PATJ: variants seen among roughly 807,000 people sequenced by gnomAD.
PATJ encodes the protein PATJ crumbs cell polarity complex component.
Under a neutral mutation model 224.9 loss-of-function variants are expected in PATJ, and 190 were observed. The ratio of observed to expected loss-of-function variants is 0.84; its 90% CI spans 0.75 to 0.95. The LOEUF (loss-of-function observed/expected upper bound fraction) is 0.95, where lower values mean the gene tolerates loss of function less well. Ranked by LOEUF, PATJ falls within the 40% of genes least tolerant of loss-of-function variation. The pLI, the probability that PATJ is intolerant of heterozygous loss-of-function variation, is 0.00. For synonymous variants in PATJ, 769 were observed against 820.3 expected, an observed-to-expected ratio of 0.94 and a Z score of 1.07; for missense variants, 2,121 against 2,270.3, an observed-to-expected ratio of 0.93 and a Z score of 1.34.
chr1:61,793,664 C>T (rs561438010), intron 9 of PATJ, among the ~76,000 whole-genome samples: 84 of 148,388 alleles, frequency 5.7e-4, no homozygotes, highest in African/African-American at 1.5e-3. Context: ...TGCAGTGAGC[C>T]GTGATTGTGC....
rs1435100685 is a variant in PATJ at position 61,949,308 on chromosome 1, TAGAG to T, written c.3670+21483_3670+21486del. Among the ~76,000 whole-genome samples, 46 of 152,020 alleles carry T rather than the reference TAGAG, an allele frequency of 3.0e-4. 1 individual carries two copies. Among genetic ancestry groups the T allele is most frequent in the Non-Finnish European group, 5.9e-5 (4 of 68,020 alleles). On this transcript the variant is annotated intron_variant, in intron 27 of 43. Coordinates refer to ENST00000642238, the MANE Select transcript of PATJ (RefSeq NM_001350145.3). ...ACTGTCCATAAAAAACAAATTTATA[TAGAG>T]AGAAAGCAGGCCTGGGTTGCGATTG...
intron 27 of PATJ, among the ~76,000 whole-genome samples, chr1:61,980,244 C>T (rs939385971): frequency 4.0e-5 from 6 of 151,628 alleles, no homozygotes; most frequent in Non-Finnish European, 4.4e-5. Context: ...ATGATTATGC[C>T]GCTGAACTCT....
At chr1:62,140,469 A>G (rs572199127) in intron 41 of PATJ, among the ~76,000 whole-genome samples, 1 of 152,200 alleles carries the variant, frequency 6.6e-6, no homozygotes, top group African/African-American at 2.4e-5. Flanking sequence ...CCTGGCCAAC[A>G]TGGTGAAACC....
At chr1:61,979,644 T>C (rs1571624321) in intron 27 of PATJ, among the ~76,000 whole-genome samples, 2 of 127,008 alleles carry the variant, frequency 1.6e-5, no homozygotes, top group African/African-American at 6.2e-5. Context: ...AGAGGGAGAC[T>C]CCGTCTCAAA....
chr1:61,809,069 G>A (rs116618819), intron 14 of PATJ, among the ~76,000 whole-genome samples: 42 of 152,352 alleles, frequency 2.8e-4, no homozygotes, highest in Admixed American at 1.3e-3. Flanking sequence ...TCTGAGTGTA[G>A]GCAGTAGTTG....
chr1:62,006,060 G>C (rs1360566305), intron 28 of PATJ, among the ~76,000 whole-genome samples: 1 of 152,006 alleles, frequency 6.6e-6, no homozygotes, highest in East Asian at 1.9e-4. Context: ...TTTTTTAGTA[G>C]ATTTAATTGA....
intron 15 of PATJ, among the ~76,000 whole-genome samples, chr1:61,824,187 A>G (rs1159813197): frequency 6.6e-6 from 1 of 151,478 alleles, no homozygotes; most frequent in Middle Eastern, 3.4e-3. Context: ...AATGAGATAT[A>G]TTTGTTTGGG....
intron 26 of PATJ, 100 bp from the exon 27 acceptor site, chr1:61,927,630 G>T (rs540984334): frequency 4.2e-6 from 3 of 707,804 alleles, no homozygotes; most frequent in Middle Eastern, 4.9e-4. Context: ...GTTGGGTATG[G>T]TCTAAATATT....
intron 27 of PATJ, among the ~76,000 whole-genome samples, chr1:61,958,007 T>C (rs1680679122): frequency 6.6e-6 from 1 of 152,224 alleles, no homozygotes; most frequent in African/African-American, 2.4e-5. Flanking sequence ...TAAAATATAT[T>C]AAGTATTTAA....
At chr1:62,057,913 G>T (rs1265574138) in intron 31 of PATJ, among the ~76,000 whole-genome samples, 1 of 152,186 alleles carries the variant, frequency 6.6e-6, no homozygotes, top group Admixed American at 6.5e-5. Context: ...TTGTACAACT[G>T]CATAACAGCA....
chr1:62,079,407 TTTCTCC>T, intron 31 of PATJ, 37 bp from the exon 32 acceptor site: 1 of 1,166,650 alleles, frequency 8.6e-7, no homozygotes, highest in Non-Finnish European at 1.3e-6. Flanking sequence ...TCTTGTTACC[TTTCTCC>T]TTTTTGATAT....
At chr1:61,746,831 C>T (rs1645048256) in intron 1 of PATJ, among the ~76,000 whole-genome samples, 1 of 152,104 alleles carries the variant, frequency 6.6e-6, no homozygotes, top group African/African-American at 2.4e-5. Context: ...CCACTAATAA[C>T]ATTAGGATGT....
chr1:62,050,040 C>A (rs752598638), intron 30 of PATJ, among the ~76,000 whole-genome samples: 2 of 148,996 alleles, frequency 1.3e-5, no homozygotes, highest in Non-Finnish European at 3.0e-5. Context: ...CACTTGAACC[C>A]GGGAGGCGAA....
At chr1:61,776,536 AT>A (rs1339198703) in intron 7 of PATJ, among the ~76,000 whole-genome samples, 5 of 152,206 alleles carry the variant, frequency 3.3e-5, no homozygotes, top group African/African-American at 1.2e-4. Context: ...AATTTTGATC[AT>A]TTAGTGCATG....
chr1:61,882,421 T>G (rs1200012005), intron 21 of PATJ, among the ~76,000 whole-genome samples: 1 of 152,156 alleles, frequency 6.6e-6, no homozygotes, highest in African/African-American at 2.4e-5. Context: ...AATAAGATAA[T>G]GCAGATAAAC....
intron 30 of PATJ, among the ~76,000 whole-genome samples, chr1:62,050,457 G>A (rs527326364): frequency 2.0e-5 from 3 of 152,176 alleles, no homozygotes; most frequent in Non-Finnish European, 4.4e-5. Flanking sequence ...TAACCCACAG[G>A]GTCAGCCTTA....
chr1:62,000,418 A>G (rs918095760), intron 28 of PATJ, among the ~76,000 whole-genome samples: 5 of 136,186 alleles, frequency 3.7e-5, no homozygotes, highest in African/African-American at 1.1e-4. Context: ...TCATTGTTCA[A>G]TTCCCATCTA....
chr1:62,122,950 A>G, intron 38 of PATJ, 71 bp from the exon 39 acceptor site: 2 of 954,186 alleles, frequency 2.1e-6, no homozygotes, highest in Non-Finnish European at 3.1e-6. Context: ...ACCATTTTTC[A>G]TGGGGCAATA....
intron 22 of PATJ, among the ~76,000 whole-genome samples, chr1:61,891,193 G>T (rs1669557583): frequency 6.6e-6 from 1 of 152,148 alleles, no homozygotes; most frequent in African/African-American, 2.4e-5. Context: ...AGTAGAGATG[G>T]CTTCAGGTAT....
Sources: gnomAD v4.1 joint callset for allele counts (sites outside exome capture counted in the v4.1 genomes callset) on GRCh38, gnomAD v4.1.1 for gene constraint, MANE v1.5 for transcripts, NCBI Gene and HGNC (gene_info 2026-07-23, HGNC 2026-07-21) for gene names.